LGI1: variants seen among roughly 807,000 people sequenced by gnomAD.
LGI1 encodes leucine-rich glioma-inactivated protein 1.
In LGI1, 11 loss-of-function variants were observed where a neutral mutation model predicts 57.7. The observed-to-expected ratio is 0.19, with a 90% CI of 0.12 to 0.32. The LOEUF is 0.32. Ranked by LOEUF, LGI1 falls within the 10% of genes least tolerant of loss-of-function variation. The pLI is 1.00. For synonymous variants in LGI1, 222 were observed against 241.9 expected, an observed-to-expected ratio of 0.92 and a Z score of 0.76; for missense variants, 422 against 661.9, an observed-to-expected ratio of 0.64 and a Z score of 3.98.
At chr10:93,764,196 T>G (rs1011830264) in intron 2 of LGI1, 1 of 152,180 alleles carries the variant, frequency 6.6e-6, no homozygotes, top group African/African-American at 2.4e-5. Flanking sequence ...GTAGTGATTC[T>G]TGATATGGTA....
At chr10:93,791,492 G>T (rs887639981) in intron 5 of LGI1, 2 of 152,154 alleles carry the variant, frequency 1.3e-5, no homozygotes, top group Admixed American at 6.5e-5. Context: ...TAGCCTTTTG[G>T]ACCTACTCTA....
At chr10:93,760,346 A>C (rs1407550306) in intron 2 of LGI1, among the ~76,000 whole-genome samples, 6 of 152,226 alleles carry the variant, frequency 3.9e-5, no homozygotes, top group African/African-American at 1.2e-4. Context: ...AGAGTCTCTA[A>C]TGCTGGGATC....
rs1032464148 is a variant in LGI1 at position 93,775,050 on chromosome 10, G to GT, written c.288-2322dup. 3.3e-5 allele frequency among the ~76,000 whole-genome samples: 5 copies of GT among 152,076 alleles called. No individual in the cohort carries two copies. In the South Asian group the frequency reaches 8.3e-4, roughly 25 times the overall value. ...TTCATTATTATCTTAGCCAGAGGGTGTTTTTTTAGCTTTTATAAGAAACTT... is the reference window on the plus strand; with the variant it reads ...TTCATTATTATCTTAGCCAGAGGGTGTTTTTTTTAGCTTTTATAAGAAACTT... On this transcript the variant is annotated intron_variant, in intron 2 of 7. Coordinates refer to ENST00000371418, the MANE Select transcript of LGI1 (RefSeq NM_005097.4).
intron 2 of LGI1, among the ~76,000 whole-genome samples, chr10:93,773,115 C>T (rs1589758739): frequency 6.6e-6 from 1 of 151,740 alleles, no homozygotes; most frequent in East Asian, 1.9e-4. Flanking sequence ...GGAAAAACCT[C>T]ACAAAGCGTG....
chr10:93,779,346 G>C (rs1002037301), intron 4 of LGI1, among the ~76,000 whole-genome samples: 1 of 144,460 alleles, frequency 6.9e-6, no homozygotes, highest in African/African-American at 2.6e-5. Context: ...TCCATGCACA[G>C]AACAGGAAAA....
chr10:93,792,717 A>C (rs1435312366), intron 5 of LGI1, 26 bp from the exon 6 acceptor site: 1 of 1,613,162 alleles, frequency 6.2e-7, no homozygotes, highest in Non-Finnish European at 8.5e-7. Flanking sequence ...CTTGTACAGC[A>C]AAAGCAGCTG....
chr10:93,771,363 T>C (rs1318409591), intron 2 of LGI1: 1 of 152,230 alleles, frequency 6.6e-6, no homozygotes, highest in African/African-American at 2.4e-5. Context: ...AATGAAATCA[T>C]GTCTTTTGCA....
intron 7 of LGI1, among the ~76,000 whole-genome samples, chr10:93,795,239 G>A (rs962645251): frequency 4.7e-4 from 72 of 152,114 alleles, no homozygotes; most frequent in African/African-American, 1.7e-3. Context: ...TCCTGCTGCT[G>A]TAACAAAAAA....
At chr10:93,783,626 C>T (rs2059869218) in intron 4 of LGI1, among the ~76,000 whole-genome samples, 1 of 152,172 alleles carries the variant, frequency 6.6e-6, no homozygotes, top group Admixed American at 6.5e-5. Flanking sequence ...GCACAGGGGG[C>T]CTCAAAGGAG....
At chr10:93,794,085 C>T (rs1197721686) in intron 7 of LGI1, 1 of 130,836 alleles carries the variant, frequency 7.6e-6, no homozygotes, top group Non-Finnish European at 1.5e-5. Context: ...GTGGCACAAT[C>T]TCAGCTCACT....
chr10:93,759,656 G>A (rs1346219522), intron 2 of LGI1, among the ~76,000 whole-genome samples: 2 of 152,190 alleles, frequency 1.3e-5, no homozygotes, highest in African/African-American at 2.4e-5. Flanking sequence ...GTAGCTGGAC[G>A]GATATGGGCA....
chr10:93,761,357 A>C (rs986375263), intron 2 of LGI1, among the ~76,000 whole-genome samples: 2 of 152,200 alleles, frequency 1.3e-5, no homozygotes, highest in African/African-American at 2.4e-5. Context: ...CTCACCCATC[A>C]TACACTGTGA....
rs1274843552 is a variant in LGI1, at chr10:93,793,314, G to A, written c.802G>A (p.Val268Met). The change falls in exon 7 of 8, where the codon GTG (valine) becomes ATG (methionine). Residue 268 changes from valine (V) to methionine (M), a missense_variant. Physicochemically the swap from Val to Met is conservative, Grantham distance 21. Transcript: ENST00000371418. Reference protein sequence around the residue: ...GKCIFLEWDHVEKTFRNYDNI... With the variant: ...GKCIFLEWDHMEKTFRNYDNI... Reference sequence around the variant, plus strand: ...ATGCATTTTCCTTGAATGGGACCATGTGGAAAAGACCTTCCGGAATTATGA... The same window carrying A: ...ATGCATTTTCCTTGAATGGGACCATATGGAAAAGACCTTCCGGAATTATGA... The A allele has an allele frequency of 1.9e-6, 3 of 1,613,940 alleles. No homozygotes were observed. The highest frequency in any genetic ancestry group is 2.5e-6 in the Non-Finnish European group (3 of 1,179,870).
At chr10:93,780,996 C>T (rs2059842185) in intron 4 of LGI1, among the ~76,000 whole-genome samples, 1 of 152,162 alleles carries the variant, frequency 6.6e-6, no homozygotes. Flanking sequence ...AGAAACAATG[C>T]ACTTTCTCAC....
At chr10:93,783,527 G>C (rs1027177933) in intron 4 of LGI1, among the ~76,000 whole-genome samples, 45 of 152,190 alleles carry the variant, frequency 3.0e-4, no homozygotes, top group Admixed American at 9.8e-4. Context: ...TGGGGAGGGA[G>C]GGTCCTTCCT....
At position 93,797,755 on chromosome 10, in the gene LGI1, G is replaced by A. The variant is rs1244862105; in HGVS notation, c.1626G>A (p.Lys542=). The A allele has an allele frequency of 2.5e-6, 4 of 1,607,580 alleles. No homozygotes were observed. The highest frequency in any genetic ancestry group is 3.4e-6 in the Non-Finnish European group (4 of 1,179,972). Residue 542 remains lysine (K), a synonymous_variant, in exon 8 of 8, where the codon AAG becomes AAA. Coordinates refer to ENST00000371418, the MANE Select transcript of LGI1 (RefSeq NM_005097.4). This position sits in a 1 kb window ranked among gnomAD's most constrained non-coding sequence, Gnocchi z 6.5. ...ATTTTCTTTTTGCTTCCAGTTTTAA[G>A]GGAAATACACAGATTTACAAACATG... ...KRNFLFASSF[K]GNTQIYKHVI...
At chr10:93,767,543 T>C (rs2059691863) in intron 2 of LGI1, 1 of 152,200 alleles carries the variant, frequency 6.6e-6, no homozygotes, top group African/African-American at 2.4e-5. Context: ...TGATAATTCA[T>C]CTTATTTTTA....
intron 4 of LGI1, among the ~76,000 whole-genome samples, chr10:93,787,477 A>G (rs1464374657): frequency 1.3e-5 from 2 of 152,104 alleles, no homozygotes; most frequent in Non-Finnish European, 1.5e-5. Flanking sequence ...CTGCCTCTCC[A>G]TTCTGGAAGC....
At chr10:93,760,265 G>C (rs928039921) in intron 2 of LGI1, among the ~76,000 whole-genome samples, 3 of 152,146 alleles carry the variant, frequency 2.0e-5, no homozygotes, top group African/African-American at 7.2e-5. Flanking sequence ...CTAGTGGTGT[G>C]ACTGGGGGAA....
Sources: allele counts gnomAD v4.1 joint callset (sites outside exome capture counted in the v4.1 genomes callset), GRCh38; gene constraint gnomAD v4.1.1; non-coding constraint Gnocchi (gnomAD v3.1); transcripts MANE v1.5; gene names NCBI Gene and HGNC (gene_info 2026-07-23, HGNC 2026-07-21).